Variants in OSBPL6 observed in about 807,000 individuals in gnomAD.
The protein encoded by OSBPL6 is oxysterol-binding protein-related protein 6.
A neutral mutation model predicts 125.8 loss-of-function variants in OSBPL6; 49 were observed. The observed-to-expected ratio is 0.39, with a 90% CI of 0.31 to 0.49. OSBPL6 has a LOEUF of 0.49. Among genes scored for constraint, OSBPL6 ranks in the 20% least tolerant of loss-of-function variants. The pLI is 0.88. For synonymous variants in OSBPL6, 394 were observed against 391.8 expected, an observed-to-expected ratio of 1.01 and a Z score of -0.07; for missense variants, 986 against 1,135.4, an observed-to-expected ratio of 0.87 and a Z score of 1.89.
chr2:178,355,397 A>G (rs908823448), intron 12 of OSBPL6, among the ~76,000 whole-genome samples: 4 of 152,228 alleles, frequency 2.6e-5, no homozygotes, highest in African/African-American at 9.6e-5. Flanking sequence ...AAAAAATGAT[A>G]AAGGGGATAT....
At chr2:178,339,891 CTG>C in intron 11 of OSBPL6, 127 bp downstream of exon 11, 1 of 529,588 alleles carries the variant, frequency 1.9e-6, no homozygotes, top group East Asian at 3.4e-5. Context: ...ACTTTTCAAA[CTG>C]TTACATTATC....
At chr2:178,265,633 C>T (rs1316059559) in intron 1 of OSBPL6, among the ~76,000 whole-genome samples, 2 of 152,090 alleles carry the variant, frequency 1.3e-5, no homozygotes, top group Non-Finnish European at 2.9e-5. Flanking sequence ...GAAGATTTAT[C>T]ACAGCTCTTG....
chr2:178,377,224 A>G (rs1693959533), intron 15 of OSBPL6, among the ~76,000 whole-genome samples: 1 of 152,242 alleles, frequency 6.6e-6, no homozygotes, highest in Non-Finnish European at 1.5e-5. Flanking sequence ...CAGGAAACTT[A>G]CAACCATGGC....
At chr2:178,264,024 G>A (rs2092151326) in intron 1 of OSBPL6, among the ~76,000 whole-genome samples, 1 of 152,056 alleles carries the variant, frequency 6.6e-6, no homozygotes, top group Non-Finnish European at 1.5e-5. Flanking sequence ...GAGCTGTCTG[G>A]TGGCAGGGCC....
chr2:178,297,764 G>A (rs1685891088), intron 2 of OSBPL6, among the ~76,000 whole-genome samples: 5 of 152,222 alleles, frequency 3.3e-5, no homozygotes. Flanking sequence ...TCATAAAGAA[G>A]ATGAAACTTG....
chr2:178,197,080 T>A (rs1300615209), intron 1 of OSBPL6, among the ~76,000 whole-genome samples: 3 of 152,134 alleles, frequency 2.0e-5, no homozygotes, highest in Non-Finnish European at 2.9e-5. Context: ...TATTGTTGTT[T>A]CCTGGGCACA....
rs1174216970 is a variant in OSBPL6, at chr2:178,398,420, A to G, written c.*2861A>G. The G allele has an allele frequency of 6.6e-6, 1 of 152,226 alleles. No individual in the cohort carries two copies. The highest frequency in any genetic ancestry group is 1.5e-5 in the Non-Finnish European group (1 of 68,044). The allele number at this position is 152,226 out of a possible 1,614,324, so 9.4% of individuals were successfully genotyped here. On this transcript the variant is annotated 3_prime_UTR_variant, in exon 25 of 25. Coordinates refer to ENST00000190611, the MANE Select transcript of OSBPL6 (RefSeq NM_032523.4). ...GTAATAAGTGACGATGATTCTGAGG[A>G]CTTGGCTAGACTGAGCGGATCAATG...
chr2:178,338,996 G>A lies in OSBPL6; in HGVS notation c.796G>A (p.Ala266Thr). The A allele has an allele frequency of 6.2e-7, 1 of 1,609,688 alleles. No individual in the cohort carries two copies. Among genetic ancestry groups the A allele is most frequent in the Middle Eastern group, 1.7e-4 (1 of 6,048 alleles). ...TATTTCTGATTTCTTATTAGATCTT[G>A]CACATTGCCAGTCAAACCTTGTGGA... Reference protein sequence around the residue: ...EEMDRCAEDLAHCQSNLVELS... With the variant: ...EEMDRCAEDLTHCQSNLVELS... Residue 266 changes from alanine to threonine, a missense_variant, in exon 10 of 25, where the codon GCA becomes ACA. Coordinates refer to ENST00000190611, the MANE Select transcript of OSBPL6 (RefSeq NM_032523.4).
At chr2:178,273,322 C>A (rs1436445232) in intron 1 of OSBPL6, among the ~76,000 whole-genome samples, 2 of 152,156 alleles carry the variant, frequency 1.3e-5, no homozygotes, top group Non-Finnish European at 2.9e-5. Context: ...CGGGCTGTGG[C>A]ACATTCCTGT....
intron 12 of OSBPL6, among the ~76,000 whole-genome samples, chr2:178,352,424 A>G (rs1270938116): frequency 6.6e-6 from 1 of 152,246 alleles, no homozygotes; most frequent in African/African-American, 2.4e-5. Context: ...ACCAGCAGAC[A>G]AGGAGATTCT....
At chr2:178,311,192 G>A (rs74343610) in intron 3 of OSBPL6, among the ~76,000 whole-genome samples, 1 of 152,248 alleles carries the variant, frequency 6.6e-6, no homozygotes, top group East Asian at 1.9e-4. Context: ...GTTCTCTCCA[G>A]TACATTCCTC....
chr2:178,261,997 A>G (rs746130926), intron 1 of OSBPL6, among the ~76,000 whole-genome samples: 26 of 152,258 alleles, frequency 1.7e-4, no homozygotes, highest in Non-Finnish European at 2.2e-4. Flanking sequence ...CTGATCCTAA[A>G]CTTTAATGTT....
At chr2:178,346,182 A>C (rs1690695737) in intron 11 of OSBPL6, among the ~76,000 whole-genome samples, 1 of 152,220 alleles carries the variant, frequency 6.6e-6, no homozygotes, top group Admixed American at 6.5e-5. Context: ...GCCAACTCAC[A>C]GCAGCAGCCA....
intron 1 of OSBPL6, among the ~76,000 whole-genome samples, chr2:178,244,267 A>C (rs1352629536): frequency 6.6e-6 from 1 of 152,158 alleles, no homozygotes; most frequent in Non-Finnish European, 1.5e-5. Context: ...TCCTCTGAGA[A>C]GCCTTCTCCT....
intron 1 of OSBPL6, among the ~76,000 whole-genome samples, chr2:178,261,174 C>T (rs1352388697): frequency 6.6e-6 from 1 of 151,652 alleles, no homozygotes; most frequent in Admixed American, 6.6e-5. Flanking sequence ...AACAACAAAA[C>T]AAAAAAACCC....
intron 2 of OSBPL6, among the ~76,000 whole-genome samples, chr2:178,288,838 C>A (rs559290273): frequency 6.6e-6 from 1 of 151,402 alleles, no homozygotes; most frequent in Non-Finnish European, 1.5e-5. Context: ...TCAGTAGACA[C>A]GGGGTTTCAC....
intron 16 of OSBPL6, chr2:178,382,721 C>G (rs1694598396): frequency 2.1e-6 from 3 of 1,440,858 alleles, no homozygotes; most frequent in Non-Finnish European, 2.7e-6. Flanking sequence ...AAACGTTTTT[C>G]CTCTTTCTCA....
intron 1 of OSBPL6, among the ~76,000 whole-genome samples, chr2:178,260,497 A>AT (rs994540206): frequency 1.3e-5 from 2 of 151,894 alleles, no homozygotes; most frequent in Non-Finnish European, 2.9e-5. Flanking sequence ...GGCTCATTCT[A>AT]TTTTTTTGTC....
intron 1 of OSBPL6, among the ~76,000 whole-genome samples, chr2:178,200,539 TC>T (rs1410330389): frequency 1.3e-5 from 2 of 151,928 alleles, no homozygotes; most frequent in African/African-American, 4.8e-5. Flanking sequence ...GGTGTGAGCC[TC>T]TGTGCCTGGC....
Sources: gnomAD v4.1 joint callset for allele counts (sites outside exome capture counted in the v4.1 genomes callset) on GRCh38, gnomAD v4.1.1 for gene constraint, MANE v1.5 for transcripts, NCBI Gene and HGNC (gene_info 2026-07-23, HGNC 2026-07-21) for gene names.